MED14: variants seen among roughly 807,000 people sequenced by gnomAD.
MED14 encodes the protein mediator complex subunit 14, also known as mediator of RNA polymerase II transcription subunit 14.
A neutral mutation model predicts 109.0 loss-of-function variants in MED14; 8 were observed. That is an observed-to-expected ratio of 0.07 (90% CI 0.04 to 0.13). The LOEUF is 0.13. Among genes scored for constraint, MED14 ranks in the 10% least tolerant of loss-of-function variants. The pLI, the probability that MED14 is intolerant of heterozygous loss-of-function variation, is 1.00. For missense variants in MED14, 711 were observed against 1,142.4 expected (o/e 0.62, Z 5.44); for synonymous variants, 399 against 408.7 (o/e 0.98, Z 0.29).
Position 40,660,980 on chromosome X carries a change from T to C in MED14, c.3685-1373A>G, listed in dbSNP as rs189135204. Among the ~76,000 whole-genome samples, 1,055 of 112,596 alleles carry C rather than the reference T, an allele frequency of 9.4e-3. 5 individuals are homozygous for C. Among genetic ancestry groups the C allele is most frequent in the Middle Eastern group, 0.046 (10 of 218 alleles). ...CCCAGGCTGGAGTGCAGTGTCACCA[T>C]CTCGGCTCACTGCAACCTCTACCTC... On this transcript the variant is annotated intron_variant, in intron 26 of 30. Coordinates refer to ENST00000324817, the MANE Select transcript of MED14 (RefSeq NM_004229.4).
At chrX:40,679,661 T>A (rs1930043143) in intron 21 of MED14, among the ~76,000 whole-genome samples, 1 of 112,264 alleles carries the variant, frequency 8.9e-6, no homozygotes. Context: ...AAAATACTTT[T>A]AATCATCTCA....
chrX:40,707,814 G>A (rs1797889198), intron 10 of MED14, among the ~76,000 whole-genome samples: 1 of 111,711 alleles, frequency 9.0e-6, no homozygotes, highest in Non-Finnish European at 1.9e-5. Flanking sequence ...GTTTCTTTCT[G>A]GGATGATTAA....
At chrX:40,662,776 C>T (rs1332372157) in intron 26 of MED14, 149 bp downstream of exon 26, 2 of 452,876 alleles carry the variant, frequency 4.4e-6, no homozygotes, top group Non-Finnish European at 7.5e-6. Context: ...ATTTTTAATG[C>T]CAGGTTAGGG....
chrX:40,705,589 A>T (rs778651824), intron 10 of MED14, among the ~76,000 whole-genome samples: 41 of 112,451 alleles, frequency 3.6e-4, no homozygotes, highest in Non-Finnish European at 6.0e-4. Context: ...AAAATAAAGA[A>T]GAGGGAATTA....
intron 3 of MED14, among the ~76,000 whole-genome samples, chrX:40,723,667 GAAAAAAA>G (rs56676419): frequency 3.9e-4 from 7 of 17,995 alleles, no homozygotes; most frequent in Non-Finnish European, 5.2e-4. Flanking sequence ...CTCCGTCTCA[GAAAAAAA>G]AAAAAAAAAA....
At chrX:40,688,934 T>A (rs2146668275) in intron 15 of MED14, among the ~76,000 whole-genome samples, 1 of 112,600 alleles carries the variant, frequency 8.9e-6, no homozygotes, top group African/African-American at 3.2e-5. Context: ...TTCTAAATGA[T>A]ATTTTTTAGT....
At chrX:40,661,973 C>T (rs1929294925) in intron 26 of MED14, among the ~76,000 whole-genome samples, 1 of 110,927 alleles carries the variant, frequency 9.0e-6, no homozygotes, top group Admixed American at 9.5e-5. Flanking sequence ...AAGCAATTCT[C>T]CTGCCTCAAC....
rs1929743796 is a variant in MED14 at position 40,671,915 on chromosome X, A to T, written c.3079T>A (p.Ser1027Thr). ...GACTGATTGACTGTGCTATGATAAG[A>T]TGTAGGGGGTGAAGTAAGAGGATAA... ...GAYPLTSPPT[S>T]YHSTVNQSPS... The change falls in exon 23 of 31, where the codon TCT becomes ACT. Residue 1027 changes from serine to threonine, a missense_variant. Transcript: ENST00000324817. The T allele has an allele frequency of 1.7e-6, 2 of 1,205,545 alleles. No individual in the cohort carries two copies. The highest frequency in any genetic ancestry group is 3.5e-5 in the African/African-American group (2 of 57,007).
intron 21 of MED14, among the ~76,000 whole-genome samples, chrX:40,676,017 G>A (rs1929897018): frequency 8.9e-6 from 1 of 112,394 alleles, no homozygotes; most frequent in Admixed American, 9.4e-5. Flanking sequence ...ATAGTGGGCT[G>A]AGCATGGTGG....
chrX:40,670,915 C>T (rs1929707542), intron 23 of MED14, among the ~76,000 whole-genome samples: 1 of 112,195 alleles, frequency 8.9e-6, no homozygotes, highest in East Asian at 2.8e-4. Context: ...TTCTGATAAG[C>T]CCGAATGCCT....
Position 40,649,352 on chromosome X carries a change from A to G in MED14, c.*2454T>C, listed in dbSNP as rs768073366. On this transcript the variant is annotated 3_prime_UTR_variant, in exon 31 of 31. Coordinates refer to ENST00000324817, the MANE Select transcript of MED14 (RefSeq NM_004229.4). ...TTCGACTCCTGTTATTAGCGACTTG[A>G]CACGTTCTGCTGAAGCTCTCACTTT... 1.3e-5 allele frequency: 2 copies of G among 152,306 alleles called. No homozygotes were observed. The highest frequency in any genetic ancestry group is 2.5e-5 in the Non-Finnish European group (2 of 79,588). The allele number at this position is 152,306 out of a possible 1,213,427, so 12.6% of individuals were successfully genotyped here.
intron 26 of MED14, chrX:40,659,890 A>C: frequency 9.7e-6 from 2 of 206,157 alleles, no homozygotes; most frequent in Non-Finnish European, 1.8e-5. Flanking sequence ...CAGAGGACTG[A>C]CCAATGTGAT....
intron 12 of MED14, among the ~76,000 whole-genome samples, chrX:40,699,561 C>T (rs760936276): frequency 8.9e-6 from 1 of 111,964 alleles, no homozygotes; most frequent in East Asian, 2.8e-4. Flanking sequence ...TACAGGCACA[C>T]ATTTGGTGAG....
chrX:40,660,184 T>C (rs1007575440), intron 26 of MED14, among the ~76,000 whole-genome samples: 4 of 111,881 alleles, frequency 3.6e-5, no homozygotes, highest in Non-Finnish European at 5.6e-5. Flanking sequence ...AAAATTTTTA[T>C]GCAAGAAATT....
intron 21 of MED14, among the ~76,000 whole-genome samples, chrX:40,679,380 G>C (rs1930029552): frequency 9.0e-6 from 1 of 111,361 alleles, no homozygotes; most frequent in Non-Finnish European, 1.9e-5. Flanking sequence ...GGTGGTGCAT[G>C]CCTATAATCT....
Position 40,688,501 on chromosome X carries a change from T to C in MED14, c.2010A>G (p.Gly670=). 8.3e-7 allele frequency: 1 copy of C among 1,204,248 alleles called. No individual in the cohort carries two copies. Among genetic ancestry groups the C allele is most frequent in the African/African-American group, 1.7e-5 (1 of 57,736 alleles). Residue 670 remains glycine, a synonymous_variant, in exon 16 of 31, where the codon GGA becomes GGG. Coordinates refer to ENST00000324817, the MANE Select transcript of MED14 (RefSeq NM_004229.4). The part of the protein sequence containing the change: ...ELSNLEIPHQ[G]VQVEGDGFSH... ...TGAAGCCATCACCTTCCACTTGCAC[T>C]CCTTGATGTGGAATCTCCAGATTGG...
intron 3 of MED14, among the ~76,000 whole-genome samples, chrX:40,722,868 C>T (rs1177144497): frequency 2.7e-5 from 3 of 111,758 alleles, no homozygotes; most frequent in South Asian, 7.4e-4. Context: ...ATAGTATATC[C>T]GGTGGAAACA....
At chrX:40,684,717 TA>T (rs1259546589) in intron 16 of MED14, among the ~76,000 whole-genome samples, 1 of 112,207 alleles carries the variant, frequency 8.9e-6, no homozygotes, top group Admixed American at 9.4e-5. Flanking sequence ...TCCTTTCAAA[TA>T]AAACAGGTTT....
intron 23 of MED14, among the ~76,000 whole-genome samples, chrX:40,668,383 CAAAAAAAAA>C (rs779386609): frequency 2.3e-5 from 1 of 43,330 alleles, no homozygotes; most frequent in Non-Finnish European, 3.8e-5. Context: ...ACTCTGTCTC[CAAAAAAAAA>C]AAAAAAAAAA....
Sources: gnomAD v4.1 joint callset for allele counts (sites outside exome capture counted in the v4.1 genomes callset) on GRCh38, gnomAD v4.1.1 for gene constraint, MANE v1.5 for transcripts, NCBI Gene and HGNC (gene_info 2026-07-23, HGNC 2026-07-21) for gene names.